The following ATP13A5 variants were observed in gnomAD, a reference collection of about 807,000 sequenced individuals.
ATP13A5 encodes probable cation-transporting ATPase 13A5.
A neutral mutation model predicts 150.2 loss-of-function variants in ATP13A5; 149 were observed. The observed-to-expected ratio is 0.99, with a 90% CI of 0.87 to 1.14. The LOEUF (loss-of-function observed/expected upper bound fraction) is 1.14, where lower values mean the gene tolerates loss of function less well. ATP13A5 is among the 50% of genes most tolerant of loss of function. The pLI, the probability that ATP13A5 is intolerant of heterozygous loss-of-function variation, is 0.00. For synonymous variants in ATP13A5, 497 were observed against 522.2 expected (o/e 0.95, Z 0.66); for missense variants, 1,383 against 1,449.3 (o/e 0.95, Z 0.74).
chr3:193,363,963 T>G, intron 2 of ATP13A5, 144 bp downstream of exon 2: 1 of 901,366 alleles, frequency 1.1e-6, no homozygotes, highest in Non-Finnish European at 1.6e-6. Context: ...TTTGCCGTAT[T>G]TTCTCCTGTT....
chr3:193,365,280 C>T lies in ATP13A5; in HGVS notation c.64-1000G>A, dbSNP rs957605525. ...CTAAGTGTCTAGAGCACTTTTGATG[C>T]GGGAACATCCTGCATTTTATGCCAG... On this transcript the variant is annotated intron_variant, in intron 1 of 29. Coordinates refer to ENST00000342358, the MANE Select transcript of ATP13A5 (RefSeq NM_198505.4). Among the ~76,000 whole-genome samples, 9 of 152,014 alleles carry T rather than the reference C, an allele frequency of 5.9e-5. No individual in the cohort carries two copies. The East Asian group carries it at 7.7e-4, about 13-fold the overall frequency.
intron 26 of ATP13A5, among the ~76,000 whole-genome samples, chr3:193,287,932 G>C (rs1717785489): frequency 6.6e-6 from 1 of 152,084 alleles, no homozygotes; most frequent in Admixed American, 6.6e-5. Context: ...ATGGAAGTTT[G>C]GAAGAAGTTG....
chr3:193,374,375 G>T (rs1324037112), intron 1 of ATP13A5, among the ~76,000 whole-genome samples: 1 of 151,298 alleles, frequency 6.6e-6, no homozygotes, highest in African/African-American at 2.4e-5. Flanking sequence ...GGGTGAGGTG[G>T]CTCATGCCTA....
In ATP13A5 at chr3:193,315,073, G is replaced by A. The variant is rs1718998983; in HGVS notation, c.2057C>T (p.Thr686Ile). 1.2e-6 allele frequency: 2 copies of A among 1,612,872 alleles called. No individual in the cohort carries two copies. Among genetic ancestry groups the A allele is most frequent in the Non-Finnish European group, 1.7e-6 (2 of 1,179,214 alleles). The change falls in exon 18 of 30, where the codon ACA (threonine) becomes ATA (isoleucine). Residue 686 changes from threonine (T) to isoleucine (I), a missense_variant. Transcript: ENST00000342358. ...LAREKVESEL[T>I]FLGLLIMENR... is the part of the protein sequence containing the mutation. ...CTCCATGATGAGAAGTCCCAGAAAT[G>A]TTAACTCTGACTCCACTTTTTCTCT...
In ATP13A5 at chr3:193,344,901, A is replaced by G. The variant is rs1712273966; in HGVS notation, c.814+102T>C. On this transcript the variant is annotated intron_variant, in intron 8 of 29. Coordinates refer to ENST00000342358, the MANE Select transcript of ATP13A5 (RefSeq NM_198505.4). ...CACCCTCGTCCCAGTTCTGGGTTCAATCTGAAAAGATTATTTCTCCTTGAC... is the reference window on the plus strand; with the variant it reads ...CACCCTCGTCCCAGTTCTGGGTTCAGTCTGAAAAGATTATTTCTCCTTGAC... 9 of 1,209,818 alleles carry G rather than the reference A, an allele frequency of 7.4e-6. 1 individual carries two copies. The South Asian group carries it at 7.7e-5, about 10-fold the overall frequency. 74.9% of individuals were successfully genotyped at this position (1,209,818 alleles called of 1,614,324 possible). A position where few individuals can be genotyped will look rare whatever the true frequency, so the allele number is the denominator to read the frequency against.
rs540882990 is a variant in ATP13A5 at position 193,344,680 on chromosome 3, G to A, written c.814+323C>T. On this transcript the variant is annotated intron_variant, in intron 8 of 29. Transcript: ENST00000342358. ...GTTATTCGAATGAGTGACATGTGAA[G>A]GGGAGAGGGAATTTGAAGGAACCCA... Among the ~76,000 whole-genome samples the A allele has an allele frequency of 2.2e-4, 33 of 152,282 alleles. 1 individual carries two copies. Among genetic ancestry groups the A allele is most frequent in the Admixed American group, 1.6e-3 (25 of 15,282 alleles).
chr3:193,369,538 G>A (rs1043496484), intron 1 of ATP13A5, among the ~76,000 whole-genome samples: 1 of 152,174 alleles, frequency 6.6e-6, no homozygotes, highest in Non-Finnish European at 1.5e-5. Context: ...TGTAGTCAGA[G>A]TCACTCAGAT....
intron 15 of ATP13A5, 70 bp downstream of exon 15, chr3:193,322,421 T>C (rs1161896023): frequency 8.4e-7 from 1 of 1,188,836 alleles, no homozygotes; most frequent in Non-Finnish European, 1.2e-6. Context: ...TATAAAAATA[T>C]GTGCAAGTCA....
At position 193,311,765 on chromosome 3, in the gene ATP13A5, G is replaced by A. The variant is rs185306123; in HGVS notation, c.2445+51C>T. On this transcript the variant is annotated intron_variant, in intron 20 of 29. Coordinates refer to ENST00000342358, the MANE Select transcript of ATP13A5 (RefSeq NM_198505.4). ...TTTTCAATACTCTCCTCCTCCTTTC[G>A]CCTCGCTGATTTGAGGAGCAAAACA... The A allele has an allele frequency of 7.9e-5, 126 of 1,602,722 alleles. No homozygotes were observed. In the East Asian group the frequency reaches 1.0e-3, roughly 13 times the overall value.
chr3:193,363,319 G>A lies in ATP13A5; in HGVS notation c.301C>T (p.Pro101Ser). ...FCLYLSTLKF[P>S]VSKKWEESLV... is the part of the protein sequence containing the mutation. ...GATTCTTCCCACTTCTTGCTTACAG[G>A]AAACTTCAGTGTGGATAAGTAGAGG... The change falls in exon 3 of 30, where the codon CCT becomes TCT. Residue 101 changes from proline (P) to serine (S), a missense_variant. Coordinates refer to ENST00000342358, the MANE Select transcript of ATP13A5 (RefSeq NM_198505.4). The A allele has an allele frequency of 6.2e-7, 1 of 1,613,880 alleles. No individual in the cohort carries two copies. The highest frequency in any genetic ancestry group is 8.5e-7 in the Non-Finnish European group (1 of 1,179,832).
intron 9 of ATP13A5, among the ~76,000 whole-genome samples, chr3:193,340,941 A>G (rs1712096062): frequency 6.6e-6 from 1 of 152,168 alleles, no homozygotes; most frequent in Non-Finnish European, 1.5e-5. Context: ...ATATCTGTAG[A>G]ATGAGTGAAT....
intron 1 of ATP13A5, among the ~76,000 whole-genome samples, chr3:193,365,772 G>A (rs1177774140): frequency 6.6e-6 from 1 of 151,960 alleles, no homozygotes; most frequent in Non-Finnish European, 1.5e-5. Context: ...ATACAGTAAT[G>A]GCAATGAAAA....
At chr3:193,286,003 T>C (rs1051814136) in intron 26 of ATP13A5, among the ~76,000 whole-genome samples, 1 of 152,234 alleles carries the variant, frequency 6.6e-6, no homozygotes, top group African/African-American at 2.4e-5. Flanking sequence ...TTTTGTTTTT[T>C]GGTTTTAGTT....
chr3:193,362,953 C>G (rs970072247), intron 3 of ATP13A5, among the ~76,000 whole-genome samples: 4 of 152,058 alleles, frequency 2.6e-5, no homozygotes, highest in Non-Finnish European at 5.9e-5. Context: ...CACCACCACA[C>G]TCAGCTCATT....
chr3:193,359,560 C>T (rs574839936), intron 5 of ATP13A5, among the ~76,000 whole-genome samples: 2 of 152,328 alleles, frequency 1.3e-5, no homozygotes, highest in African/African-American at 4.8e-5. Flanking sequence ...TGCCTTTTCT[C>T]TCAATGCTGT....
rs1041418565 is a variant in ATP13A5, at chr3:193,274,951, A to G, written c.*91T>C. 142 of 1,508,092 alleles carry G rather than the reference A, an allele frequency of 9.4e-5. No individual in the cohort carries two copies. In the African/African-American group the frequency reaches 1.6e-3, roughly 17 times the overall value. The allele number at this position is 1,508,092 out of a possible 1,614,324, so 93.4% of individuals were successfully genotyped here. On this transcript the variant is annotated 3_prime_UTR_variant, in exon 30 of 30. Coordinates refer to ENST00000342358, the MANE Select transcript of ATP13A5 (RefSeq NM_198505.4). ...TTTGAATGCTTGAATGGAGAGAGGA[A>G]AGGTAAGGGGAGAGTATCATCACTT...
At position 193,276,807 on chromosome 3, in the gene ATP13A5, C is replaced by G. The variant is rs777079199; in HGVS notation, c.3339G>C (p.Trp1113Cys). 1 of 1,613,512 alleles carries G rather than the reference C, an allele frequency of 6.2e-7. No individual in the cohort carries two copies. Among genetic ancestry groups the G allele is most frequent in the African/African-American group, 1.3e-5 (1 of 74,930 alleles). ...GMELIPTITSWRVLILVVALT... is the reference protein window; with the variant it reads ...GMELIPTITSCRVLILVVALT... ...GGGCTACCACCAAAATTAAAACCCTCCACGATGTTATGGTTGGGATCAACT... is the reference window on the plus strand; with the variant it reads ...GGGCTACCACCAAAATTAAAACCCTGCACGATGTTATGGTTGGGATCAACT... The change falls in exon 29 of 30, where the codon TGG (tryptophan) becomes TGC (cysteine). Residue 1113 changes from tryptophan (W) to cysteine (C), a missense_variant. This residue lies in a region of ATP13A5 where 568 missense variants were observed against 621.5 expected (regional missense o/e 0.91). Transcript: ENST00000342358.
Position 193,311,852 on chromosome 3 carries a change from T to G in ATP13A5, c.2409A>C (p.Gln803His), listed in dbSNP as rs1277679622. Residue 803 changes from glutamine to histidine, a missense_variant, in exon 20 of 30, where the codon CAA becomes CAC. Coordinates refer to ENST00000342358, the MANE Select transcript of ATP13A5 (RefSeq NM_198505.4). ...YHFAMSGKSYQVIFQHFNSLL... is the reference protein window; with the variant it reads ...YHFAMSGKSYHVIFQHFNSLL... ...AGCTGTTGAAATGCTGAAATATCAC[T>G]TGGTATGATTTCCCACTCATTGCAA... 6.2e-7 allele frequency: 1 copy of G among 1,613,956 alleles called. No homozygotes were observed. The highest frequency in any genetic ancestry group is 8.5e-7 in the Non-Finnish European group (1 of 1,179,884).
chr3:193,345,132 T>A (rs116545953), intron 7 of ATP13A5, 57 bp from the exon 8 acceptor site: 7 of 1,491,552 alleles, frequency 4.7e-6, no homozygotes, highest in African/African-American at 2.8e-5. Context: ...GAAAACCACA[T>A]GATCTCATTA....
Sources: gnomAD v4.1 joint callset for allele counts (sites outside exome capture counted in the v4.1 genomes callset) on GRCh38, gnomAD v4.1.1 for gene constraint, gnomAD v4.1.1 regional missense constraint, MANE v1.5 for transcripts, NCBI Gene and HGNC (gene_info 2026-07-23, HGNC 2026-07-21) for gene names.